The following CYP2A6 variants were observed in gnomAD, a reference collection of about 807,000 sequenced individuals.
CYP2A6 encodes the protein cytochrome P450 2A6.
In CYP2A6, 27 loss-of-function variants were observed where a neutral mutation model predicts 42.3. That is an observed-to-expected ratio of 0.64 (90% CI 0.47 to 0.88). CYP2A6 has a LOEUF of 0.88. Ranked by LOEUF, CYP2A6 falls within the 40% of genes least tolerant of loss-of-function variation. The pLI is 0.00. For synonymous variants in CYP2A6, 238 were observed against 246.3 expected (o/e 0.97, Z 0.31); for missense variants, 628 against 646.0 (o/e 0.97, Z 0.30).
At chr19:40,846,240 T>G (rs1404356707) in intron 5 of CYP2A6, 143 bp from the exon 6 acceptor site, 12 of 1,212,234 alleles carry the variant, frequency 9.9e-6, no homozygotes, top group Non-Finnish European at 1.2e-5. Context: ...CGCTCTAGGT[T>G]CCAGCCCTTG....
At position 40,844,737 on chromosome 19, in the gene CYP2A6, C is replaced by G. The variant is rs143984220; in HGVS notation, c.1197G>C (p.Leu399=). Residue 399 remains leucine, a synonymous_variant, in exon 8 of 9, where the codon CTG becomes CTC. Coordinates refer to ENST00000301141, the MANE Select transcript of CYP2A6 (RefSeq NM_000762.6). ...TEVYPMLGSV[L]RDPSFFSNPQ... ...GGTTGGAGAAGAAACTGGGGTCTCTCAGCACAGAGCCCAGCATAGGGTACA... is the reference window on the plus strand; with the variant it reads ...GGTTGGAGAAGAAACTGGGGTCTCTGAGCACAGAGCCCAGCATAGGGTACA... The G allele has an allele frequency of 3.1e-6, 5 of 1,611,486 alleles. No individual in the cohort carries two copies. Among genetic ancestry groups the G allele is most frequent in the Non-Finnish European group, 4.2e-6 (5 of 1,179,840 alleles).
intron 2 of CYP2A6, among the ~76,000 whole-genome samples, chr19:40,849,011 A>AGG (rs1332332247): frequency 2.0e-5 from 1 of 50,722 alleles, no homozygotes; most frequent in African/African-American, 7.0e-5. Flanking sequence ...AGAGAGAGAG[A>AGG]AGAGAGAGAG....
chr19:40,846,743 A>G lies in CYP2A6; in HGVS notation c.831+132T>C, dbSNP rs553581029. ...GGGATTACAGGCTGTTAGCCACGGC[A>G]CCCAGCCAATTGTGAGGATTATTAT... On this transcript the variant is annotated intron_variant, in intron 5 of 8. Transcript: ENST00000301141. The G allele has an allele frequency of 1.5e-4, 202 of 1,367,096 alleles. 2 individuals are homozygous for G. The highest frequency in any genetic ancestry group is 1.0e-3 in the African/African-American group (69 of 68,066). The allele number at this position is 1,367,096 out of a possible 1,614,324, so 84.7% of individuals were successfully genotyped here.
At chr19:40,846,342 G>GTTTTTTTTTTT (rs1206000955) in intron 5 of CYP2A6, among the ~76,000 whole-genome samples, 1 of 141,380 alleles carries the variant, frequency 7.1e-6, no homozygotes, top group African/African-American at 2.8e-5. Context: ...TTAGCTGTCA[G>GTTTTTTTTTTT]TTTTTTTTTG....
rs1599779280 is a variant in CYP2A6, at chr19:40,848,151, G to C, written c.654+68C>G. 5 of 1,592,058 alleles carry C rather than the reference G, an allele frequency of 3.1e-6. 1 individual carries two copies. In the East Asian group the frequency reaches 1.2e-4, roughly 37 times the overall value. On this transcript the variant is annotated intron_variant, in intron 4 of 8. Coordinates refer to ENST00000301141, the MANE Select transcript of CYP2A6 (RefSeq NM_000762.6). ...AGGGCGGTGGGAGTTTGGGGCACCT[G>C]TCTCCAGGTAGGGGAGCAGTTGGCA...
intron 4 of CYP2A6, among the ~76,000 whole-genome samples, 196 bp downstream of exon 4, chr19:40,848,023 C>T (rs1410633453): frequency 6.6e-6 from 1 of 151,672 alleles, no homozygotes; most frequent in Non-Finnish European, 1.5e-5. Flanking sequence ...GTTGAGCTAT[C>T]CAGGTGTCCT....
At chr19:40,846,718 G>A (rs539671336) in intron 5 of CYP2A6, among the ~76,000 whole-genome samples, 157 bp downstream of exon 5, 1 of 151,552 alleles carries the variant, frequency 6.6e-6, no homozygotes, top group African/African-American at 2.4e-5. Flanking sequence ...CCAAAGTGCT[G>A]GGATTACAGG....
chr19:40,849,307 G>A (rs1252292929), intron 2 of CYP2A6, among the ~76,000 whole-genome samples: 1 of 151,140 alleles, frequency 6.6e-6, no homozygotes, highest in Non-Finnish European at 1.5e-5. Flanking sequence ...AAGCTGAGCT[G>A]GAGAAGAGAG....
rs1278393564 is a variant in CYP2A6, at chr19:40,844,977, C to T, written c.1162-205G>A. On this transcript the variant is annotated intron_variant, in intron 7 of 8. Transcript: ENST00000301141. The stretch of plus-strand genomic sequence containing the variant: ...GTTTGGGAGACATGGGGTCCATGTC[C>T]TTCTAGGCAGGAGTTTGGGGGACCT... 1.5e-4 allele frequency: 104 copies of T among 713,276 alleles called. 14 individuals are homozygous for T. In the East Asian group the frequency reaches 3.1e-3, roughly 21 times the overall value. The allele number at this position is 713,276 out of a possible 1,614,324, so 44.2% of individuals were successfully genotyped here.
intron 5 of CYP2A6, 64 bp from the exon 6 acceptor site, chr19:40,846,161 T>A (rs756440651): frequency 1.3e-6 from 2 of 1,589,948 alleles, no homozygotes; most frequent in Non-Finnish European, 1.7e-6. Flanking sequence ...TTCTAGGGCT[T>A]TTCCTTTGGA....
rs1309370385 is a variant in CYP2A6, at chr19:40,848,223, C to G, written c.650G>C (p.Gly217Ala). 1 of 1,611,526 alleles carries G rather than the reference C, an allele frequency of 6.2e-7. No individual in the cohort carries two copies. Among genetic ancestry groups the G allele is most frequent in the Non-Finnish European group, 8.5e-7 (1 of 1,179,850 alleles). ...GIFQFTSTST[G>A]QLYEMFSSVM... ...GGCCGGGCTGCAGCCAGTTACCTGCCCCGTGGAGGTTGACGTGAACTGGAA... is the reference window on the plus strand; with the variant it reads ...GGCCGGGCTGCAGCCAGTTACCTGCGCCGTGGAGGTTGACGTGAACTGGAA... Residue 217 changes from glycine to alanine, a missense_variant, in exon 4 of 9, where the codon GGG becomes GCG. Gly to Ala is a moderately conservative substitution (Grantham distance 60). This residue lies in a region of CYP2A6 where 606 missense variants were observed against 568.1 expected (regional missense o/e 1.07). Coordinates refer to ENST00000301141, the MANE Select transcript of CYP2A6 (RefSeq NM_000762.6).
intron 2 of CYP2A6, 148 bp downstream of exon 2, chr19:40,849,670 A>C: frequency 7.0e-7 from 1 of 1,435,144 alleles, no homozygotes. Flanking sequence ...ACACATGGAG[A>C]GGCCACAATG....
At position 40,846,012 on chromosome 19, in the gene CYP2A6, A is replaced by T; in HGVS notation, c.917T>A (p.Val306Asp). Residue 306 changes from valine (V) to aspartate (D), a missense_variant, in exon 6 of 9, where the codon GTC becomes GAC. Physicochemically the swap from Val to Asp is radical, Grantham distance 152. Coordinates refer to ENST00000301141, the MANE Select transcript of CYP2A6 (RefSeq NM_000762.6). ...GAAGCCATAGCGCAGGGTGGTGCTG[A>T]CGGTCTCGGTGCCCCCAATGAAGAG... is the stretch of plus-strand genomic sequence containing the variant. ...LNLFIGGTETVSTTLRYGFLL... is the reference protein window; with the variant it reads ...LNLFIGGTETDSTTLRYGFLL... 6.2e-7 allele frequency: 1 copy of T among 1,610,924 alleles called. No homozygotes were observed.
chr19:40,845,264 C>T (rs4803380), intron 7 of CYP2A6, 30 bp downstream of exon 7: 45,412 of 1,610,170 alleles, frequency 0.028, 1,680 homozygotes, highest in African/African-American at 0.14. Flanking sequence ...TGGAAGTCCC[C>T]GTAGTCTGGG....
intron 2 of CYP2A6, among the ~76,000 whole-genome samples, chr19:40,849,035 A>G (rs71358939): frequency 1.8e-4 from 4 of 22,550 alleles, no homozygotes; most frequent in Admixed American, 5.2e-4. Context: ...AGAGAGAGAG[A>G]AGAGAGAGAG....
intron 3 of CYP2A6, 44 bp from the exon 4 acceptor site, chr19:40,848,423 C>A (rs1055654937): frequency 5.0e-6 from 8 of 1,610,192 alleles, no homozygotes; most frequent in Non-Finnish European, 6.8e-6. Flanking sequence ...AGAGTCAACT[C>A]AGAGGTCTGA....
chr19:40,846,500 CAATT>C (rs1303966292), intron 5 of CYP2A6, among the ~76,000 whole-genome samples: 2 of 151,348 alleles, frequency 1.3e-5, no homozygotes, highest in Admixed American at 6.6e-5. Flanking sequence ...ACTTTTTAAA[CAATT>C]AATTAATTTT....
Position 40,847,031 on chromosome 19 carries a change from C to T in CYP2A6, c.675G>A (p.Ser225=), listed in dbSNP as rs28399448. The change falls in exon 5 of 9, where the codon TCG becomes TCA. Residue 225 remains serine, a synonymous_variant. Coordinates refer to ENST00000301141, the MANE Select transcript of CYP2A6 (RefSeq NM_000762.6). ...STGQLYEMFS[S]VMKHLPGPQQ... is the part of the protein sequence containing the mutation. ...GTGGTCCTGGCAGGTGTTTCATCACCGAAGAGAACATCTCATAGAGCTGGG... is the reference window on the plus strand; with the variant it reads ...GTGGTCCTGGCAGGTGTTTCATCACTGAAGAGAACATCTCATAGAGCTGGG... 32,761 of 1,611,432 alleles carry T rather than the reference C, an allele frequency of 0.02. 631 individuals are homozygous for T. Among genetic ancestry groups the T allele is most frequent in the Non-Finnish European group, 0.023 (26,966 of 1,179,664 alleles).
chr19:40,844,563 G>T, intron 8 of CYP2A6, 68 bp downstream of exon 8: 2 of 1,608,982 alleles, frequency 1.2e-6, no homozygotes, highest in Non-Finnish European at 1.7e-6. Context: ...ACCGCAGAGA[G>T]GGGAGGAGGG....
Sources: gnomAD v4.1 joint callset for allele counts (sites outside exome capture counted in the v4.1 genomes callset) on GRCh38, gnomAD v4.1.1 for gene constraint, gnomAD v4.1.1 regional missense constraint, MANE v1.5 for transcripts, NCBI Gene and HGNC (gene_info 2026-07-23, HGNC 2026-07-21) for gene names.